STIL: variants seen among roughly 807,000 people sequenced by gnomAD.
STIL encodes the protein STIL centriolar assembly protein, also known as SCL-interrupting locus protein.
A neutral mutation model predicts 110.1 loss-of-function variants in STIL; 55 were observed. The ratio of observed to expected loss-of-function variants is 0.50; its 90% CI spans 0.40 to 0.63. The LOEUF (loss-of-function observed/expected upper bound fraction) is 0.63. Ranked by LOEUF, STIL falls within the 20% of genes least tolerant of loss-of-function variation. STIL has a pLI of 0.00. For missense variants in STIL, 1,358 were observed against 1,530.0 expected (o/e 0.89, Z 1.87); for synonymous variants, 481 against 530.0 (o/e 0.91, Z 1.27).
chr1:47,287,340 A>C (rs764208008), intron 10 of STIL, among the ~76,000 whole-genome samples: 1 of 152,208 alleles, frequency 6.6e-6, no homozygotes. Context: ...ACATCAACCC[A>C]AATGAAAACC....
chr1:47,289,938 C>CAAAAAAA (rs59432279), intron 8 of STIL, among the ~76,000 whole-genome samples: 1 of 104,010 alleles, frequency 9.6e-6, no homozygotes, highest in African/African-American at 3.5e-5. Context: ...ACTCCGTCTC[C>CAAAAAAA]AAAAAAAAAA....
intron 13 of STIL, among the ~76,000 whole-genome samples, chr1:47,271,085 A>T (rs1200147564): frequency 6.6e-6 from 1 of 152,068 alleles, no homozygotes; most frequent in Non-Finnish European, 1.5e-5. Context: ...ACTGAGCCTC[A>T]TTATTTCTCT....
upstream of STIL, among the ~76,000 whole-genome samples, chr1:47,314,359 C>T (rs1050546683): frequency 3.3e-5 from 5 of 152,374 alleles, no homozygotes; most frequent in African/African-American, 7.2e-5. Flanking sequence ...ACCGGCGCTC[C>T]AGGATCAAGG....
rs1224324494 is a variant in STIL at position 47,268,789 on chromosome 1, A to AAATT, written c.2615+842_2615+845dup. On this transcript the variant is annotated intron_variant, in intron 14 of 16. Coordinates refer to ENST00000371877, the MANE Select transcript of STIL (RefSeq NM_001048166.1). ...TAAATAAATAAATAAATAAATAAAT[A>AAATT]AATTAAATAAAAGAAATTTCTCCGC... is the stretch of plus-strand genomic sequence containing the variant. Among the ~76,000 whole-genome samples the AAATT allele has an allele frequency of 1.0e-4, 13 of 127,464 alleles. No individual in the cohort carries two copies. The South Asian group carries it at 3.1e-3, about 31-fold the overall frequency. The allele number at this position is 127,464 out of a possible 152,430, so 83.6% of individuals were successfully genotyped here. A position where few individuals can be genotyped will look rare whatever the true frequency, so the allele number is the denominator to read the frequency against.
chr1:47,250,872 C>T lies in STIL; in HGVS notation c.*264G>A, dbSNP rs1644164910. On this transcript the variant is annotated 3_prime_UTR_variant, in exon 17 of 17. Transcript: ENST00000371877. ...GTTGAGACTTAGAGCTGGATAGTAT[C>T]TGTCTACTACTTAAACTTGTAGGAA... 2.4e-6 allele frequency: 1 copy of T among 420,152 alleles called. No homozygotes were observed. The highest frequency in any genetic ancestry group is 4.2e-6 in the Non-Finnish European group (1 of 235,320). 26.0% of individuals were successfully genotyped at this position (420,152 alleles called of 1,614,324 possible). A position where few individuals can be genotyped will look rare whatever the true frequency, so the allele number is the denominator to read the frequency against.
At chr1:47,311,389 A>T (rs1347611269) in intron 1 of STIL, among the ~76,000 whole-genome samples, 3 of 149,988 alleles carry the variant, frequency 2.0e-5, no homozygotes, top group African/African-American at 7.4e-5. Flanking sequence ...AGCTCAGGTG[A>T]TCCTCCCACC....
Position 47,280,526 on chromosome 1 carries a change from G to A in STIL, c.1932C>T (p.His644=). ...SEALQKHSLF[H]PSGCPALYCN... ...AGTACAGGGCTGGACATCCACTTGGGTGAAATAATGAATGCTTTTGAAGGG... is the reference window on the plus strand; with the variant it reads ...AGTACAGGGCTGGACATCCACTTGGATGAAATAATGAATGCTTTTGAAGGG... Residue 644 remains histidine (H), a synonymous_variant, in exon 12 of 17, where the codon CAC becomes CAT. Transcript: ENST00000371877. The A allele has an allele frequency of 1.2e-6, 2 of 1,614,254 alleles. No individual in the cohort carries two copies. Among genetic ancestry groups the A allele is most frequent in the South Asian group, 2.2e-5 (2 of 91,086 alleles).
rs571908130 is a variant in STIL, at chr1:47,307,165, C to CA, written c.45-2170dup. Among the ~76,000 whole-genome samples, 101 of 152,150 alleles carry CA rather than the reference C, an allele frequency of 6.6e-4. 1 individual carries two copies. The East Asian group carries it at 0.014, about 21-fold the overall frequency. ...AAACTCCATCTCAAAAAACAAAAAA[C>CA]AAAAAATTAGCTGGACATGGTGGCA... On this transcript the variant is annotated intron_variant, in intron 2 of 16. Coordinates refer to ENST00000371877, the MANE Select transcript of STIL (RefSeq NM_001048166.1).
At chr1:47,302,187 C>G (rs1645824058) in intron 4 of STIL, 47 bp downstream of exon 4, 1 of 1,395,144 alleles carries the variant, frequency 7.2e-7, no homozygotes, top group African/African-American at 1.4e-5. Flanking sequence ...TCCCAACGTG[C>G]TGGGATTACA....
At chr1:47,311,853 C>T (rs1646135976) in intron 1 of STIL, among the ~76,000 whole-genome samples, 1 of 151,736 alleles carries the variant, frequency 6.6e-6, no homozygotes, top group Admixed American at 6.6e-5. Context: ...TCGAGACCAG[C>T]CGGGTCAACA....
chr1:47,314,462 A>C (rs914119401), upstream of STIL, among the ~76,000 whole-genome samples: 9 of 152,222 alleles, frequency 5.9e-5, no homozygotes, highest in African/African-American at 2.2e-4. Flanking sequence ...AGCTAGGTAG[A>C]CGGAGGAGCG....
At chr1:47,300,779 T>C (rs1258659725) in intron 5 of STIL, among the ~76,000 whole-genome samples, 2 of 152,184 alleles carry the variant, frequency 1.3e-5, no homozygotes, top group African/African-American at 2.4e-5. Context: ...ATAATTCCGA[T>C]TGAGCCTCAG....
intron 16 of STIL, among the ~76,000 whole-genome samples, chr1:47,259,053 C>T (rs1224188776): frequency 8.4e-6 from 1 of 119,052 alleles, no homozygotes; most frequent in Non-Finnish European, 1.6e-5. Context: ...GTGGCGCAAT[C>T]TCGGCTCACT....
At chr1:47,259,358 C>T (rs1182863424) in intron 16 of STIL, among the ~76,000 whole-genome samples, 2 of 125,512 alleles carry the variant, frequency 1.6e-5, no homozygotes, top group African/African-American at 6.0e-5. Flanking sequence ...GGCGCTATCT[C>T]GGCTCACTGC....
rs865859565 is a variant in STIL at position 47,293,489 on chromosome 1, G to A, written c.841C>T (p.Arg281Ter). 1 of 1,612,950 alleles carries A rather than the reference G, an allele frequency of 6.2e-7. No homozygotes were observed. Among genetic ancestry groups the A allele is most frequent in the Non-Finnish European group, 8.5e-7 (1 of 1,179,344 alleles). The change falls in exon 8 of 17, where the codon CGA becomes TGA. Residue 281 changes from arginine to a stop codon, truncating the protein, a stop_gained. Coordinates refer to ENST00000371877, the MANE Select transcript of STIL (RefSeq NM_001048166.1). LOFTEE classifies it high-confidence loss of function. The part of the protein sequence containing the change: ...YSPQVWACCL[R>*]YIFNSSVQER... ...TGAACAGAAGAATTGAATATGTATC[G>A]CAAACAGCAAGCCCATACCTGAGGA...
chr1:47,305,124 T>C, intron 2 of STIL, 128 bp from the exon 3 acceptor site: 1 of 670,092 alleles, frequency 1.5e-6, no homozygotes, highest in South Asian at 1.8e-5. Flanking sequence ...TCAAAGAGTT[T>C]ATATATATAT....
chr1:47,307,564 C>T lies in STIL; in HGVS notation c.45-2568G>A, dbSNP rs567428149. On this transcript the variant is annotated intron_variant, in intron 2 of 16. Coordinates refer to ENST00000371877, the MANE Select transcript of STIL (RefSeq NM_001048166.1). ...GCTTTAATCTCTTAATCCTGTCAGC[C>T]GAGAAGGATGTATATCGTCTCAGGA... 7.9e-5 allele frequency among the ~76,000 whole-genome samples: 12 copies of T among 152,046 alleles called. No individual in the cohort carries two copies. The East Asian group carries it at 1.4e-3, about 17-fold the overall frequency.
Position 47,280,540 on chromosome 1 carries a change from G to A in STIL, c.1918C>T (p.His640Tyr). Residue 640 changes from histidine (H) to tyrosine (Y), a missense_variant, in exon 12 of 17, where the codon CAT becomes TAT. By Grantham distance (83) the His-to-Tyr change is moderately conservative. Transcript: ENST00000371877. ...QDVQSEALQK[H>Y]SLFHPSGCPA... The stretch of plus-strand genomic sequence containing the variant: ...CATCCACTTGGGTGAAATAATGAAT[G>A]CTTTTGAAGGGCTTCAGACTGGACA... 6.2e-7 allele frequency: 1 copy of A among 1,614,242 alleles called. No homozygotes were observed. Among genetic ancestry groups the A allele is most frequent in the Non-Finnish European group, 8.5e-7 (1 of 1,180,040 alleles).
intron 16 of STIL, 76 bp downstream of exon 16, chr1:47,260,213 A>G: frequency 2.8e-6 from 4 of 1,410,020 alleles, no homozygotes; most frequent in Non-Finnish European, 3.8e-6. Flanking sequence ...CATCTAGCCA[A>G]TGATGGGCAA....
Sources: gnomAD v4.1 joint callset for allele counts (sites outside exome capture counted in the v4.1 genomes callset) on GRCh38, gnomAD v4.1.1 for gene constraint, MANE v1.5 for transcripts, NCBI Gene and HGNC (gene_info 2026-07-23, HGNC 2026-07-21) for gene names.